The following TRIM2 variants were observed in gnomAD, a reference collection of about 807,000 sequenced individuals.
TRIM2 encodes tripartite motif containing 2.
Under a neutral mutation model 75.2 loss-of-function variants are expected in TRIM2, and 20 were observed. The ratio of observed to expected loss-of-function variants is 0.27; its 90% CI spans 0.19 to 0.39. TRIM2 has a LOEUF of 0.39. Ranked by LOEUF, TRIM2 falls within the 10% of genes least tolerant of loss-of-function variation. The pLI is 1.00. For missense variants in TRIM2, 660 were observed against 990.8 expected (o/e 0.67, Z 4.48); for synonymous variants, 373 against 388.3 (o/e 0.96, Z 0.46).
chr4:153,293,477 T>A (rs1037033304), intron 4 of TRIM2, among the ~76,000 whole-genome samples: 1 of 152,220 alleles, frequency 6.6e-6, no homozygotes, highest in African/African-American at 2.4e-5. Flanking sequence ...TATCTGCTGT[T>A]CCTGACACAC....
At chr4:153,220,207 C>T (rs1739570014) in intron 1 of TRIM2, among the ~76,000 whole-genome samples, 1 of 151,858 alleles carries the variant, frequency 6.6e-6, no homozygotes, top group South Asian at 2.1e-4. Flanking sequence ...TTGGTGGTGA[C>T]TGCTGATGCT....
intron 1 of TRIM2, among the ~76,000 whole-genome samples, chr4:153,170,428 A>C (rs1196892027): frequency 6.6e-6 from 1 of 152,188 alleles, no homozygotes; most frequent in African/African-American, 2.4e-5. Flanking sequence ...CTGATGGTGC[A>C]GGGCATTGTG....
Position 153,335,098 on chromosome 4 carries a change from C to T in TRIM2, c.*132C>T. The T allele has an allele frequency of 7.6e-7, 1 of 1,316,282 alleles. No homozygotes were observed. The highest frequency in any genetic ancestry group is 9.7e-7 in the Non-Finnish European group (1 of 1,025,758). The allele number at this position is 1,316,282 out of a possible 1,614,324, so 81.5% of individuals were successfully genotyped here. A position where few individuals can be genotyped will look rare whatever the true frequency, so the allele number is the denominator to read the frequency against. On this transcript the variant is annotated 3_prime_UTR_variant, in exon 12 of 12. Transcript: ENST00000338700. ...ATTGGTGAACTTTCCAAGGTTATTT[C>T]TGAATGTAACAATTTCCTTAAAAAT...
At chr4:153,288,657 C>G (rs1311421753) in intron 3 of TRIM2, among the ~76,000 whole-genome samples, 1 of 152,088 alleles carries the variant, frequency 6.6e-6, no homozygotes, top group African/African-American at 2.4e-5. Flanking sequence ...CCAGCCATTA[C>G]TTTTGCAAAT....
intron 6 of TRIM2, among the ~76,000 whole-genome samples, chr4:153,304,998 A>G (rs1184923008): frequency 1.3e-5 from 2 of 152,178 alleles, no homozygotes; most frequent in African/African-American, 2.4e-5. Flanking sequence ...AGTCCACATG[A>G]GCTATTATAA....
intron 6 of TRIM2, chr4:153,308,550 A>G: frequency 1.4e-6 from 1 of 711,676 alleles, no homozygotes; most frequent in Non-Finnish European, 2.6e-6. Flanking sequence ...AGGTGAAGGC[A>G]ATATCCTGTC....
At chr4:153,215,586 C>T (rs1011484870) in intron 1 of TRIM2, among the ~76,000 whole-genome samples, 1 of 151,772 alleles carries the variant, frequency 6.6e-6, no homozygotes, top group African/African-American at 2.4e-5. Flanking sequence ...GTGTTTTTAC[C>T]CTGTTACTAT....
intron 3 of TRIM2, among the ~76,000 whole-genome samples, chr4:153,287,437 GA>G (rs1448768219): frequency 5.9e-5 from 9 of 152,192 alleles, no homozygotes; most frequent in Admixed American, 2.0e-4. Context: ...TTACTGAAAA[GA>G]AAGGCTTTCT....
chr4:153,175,544 G>A (rs1264146563), intron 1 of TRIM2, among the ~76,000 whole-genome samples: 1 of 152,124 alleles, frequency 6.6e-6, no homozygotes, highest in Non-Finnish European at 1.5e-5. Context: ...TCCATGGACA[G>A]GGCCTGGGTG....
At chr4:153,308,165 G>A (rs567617781) in intron 6 of TRIM2, 86 of 1,287,138 alleles carry the variant, frequency 6.7e-5, no homozygotes, top group East Asian at 3.9e-4. Context: ...TCACCCCAGC[G>A]TCATAGAGAT....
intron 1 of TRIM2, among the ~76,000 whole-genome samples, chr4:153,179,320 A>C (rs1731805628): frequency 6.7e-6 from 1 of 149,814 alleles, no homozygotes; most frequent in Non-Finnish European, 1.5e-5. Flanking sequence ...ATAAATTTTA[A>C]AGTATTTAAT....
intron 1 of TRIM2, among the ~76,000 whole-genome samples, chr4:153,254,059 G>C (rs1319040440): frequency 1.3e-5 from 2 of 152,168 alleles, no homozygotes; most frequent in African/African-American, 4.8e-5. Context: ...TCCAGTAACA[G>C]AATGTCTTAT....
chr4:153,258,531 A>T (rs1752641940), intron 1 of TRIM2, among the ~76,000 whole-genome samples: 1 of 151,530 alleles, frequency 6.6e-6, no homozygotes. Flanking sequence ...TTTTGGGGGG[A>T]TAGGAGAGCA....
chr4:153,272,369 T>C (rs754372741), intron 2 of TRIM2, among the ~76,000 whole-genome samples: 11 of 152,176 alleles, frequency 7.2e-5, no homozygotes, highest in African/African-American at 9.7e-5. Flanking sequence ...AGAATGGTCT[T>C]GATCTCCTGA....
chr4:153,297,723 T>C (rs1346379691), intron 6 of TRIM2, among the ~76,000 whole-genome samples: 1 of 152,176 alleles, frequency 6.6e-6, no homozygotes, highest in African/African-American at 2.4e-5. Context: ...AGAACTGGAA[T>C]TGGGCAGATC....
chr4:153,303,259 T>G (rs963353636), intron 6 of TRIM2, among the ~76,000 whole-genome samples: 1 of 151,634 alleles, frequency 6.6e-6, no homozygotes, highest in East Asian at 1.9e-4. Context: ...AGGTCAGCAG[T>G]TTGAGACCAG....
intron 3 of TRIM2, among the ~76,000 whole-genome samples, chr4:153,279,462 A>AT (rs1758748802): frequency 2.4e-5 from 3 of 125,438 alleles, no homozygotes; most frequent in Non-Finnish European, 4.7e-5. Flanking sequence ...TAATTATTTA[A>AT]TCAATAGAAA....
intron 1 of TRIM2, among the ~76,000 whole-genome samples, chr4:153,175,132 T>C (rs183898872): frequency 6.6e-6 from 1 of 152,282 alleles, no homozygotes; most frequent in Admixed American, 6.5e-5. Context: ...TTCTCCTGCC[T>C]CAGCCTCCCA....
chr4:153,251,498 T>A (rs1750870978), intron 1 of TRIM2, among the ~76,000 whole-genome samples: 1 of 152,274 alleles, frequency 6.6e-6, no homozygotes, highest in Non-Finnish European at 1.5e-5. Flanking sequence ...ATAAAGTTTT[T>A]ATGTTTGTTT....
Sources: gnomAD v4.1 joint callset for allele counts (sites outside exome capture counted in the v4.1 genomes callset) on GRCh38, gnomAD v4.1.1 for gene constraint, MANE v1.5 for transcripts, NCBI Gene and HGNC (gene_info 2026-07-23, HGNC 2026-07-21) for gene names.